Variants in PRRC2C observed in about 807,000 individuals in gnomAD.
The protein encoded by PRRC2C is protein PRRC2C.
A neutral mutation model predicts 317.2 loss-of-function variants in PRRC2C; 72 were observed. The observed-to-expected ratio is 0.23, with a 90% CI of 0.19 to 0.28. The LOEUF is 0.28. PRRC2C is among the 10% of genes least tolerant of loss of function. The probability of loss-of-function intolerance (pLI) is 1.00; values close to 1 mark genes in which losing one functional copy is unlikely to be tolerated. For missense variants in PRRC2C, 3,074 were observed against 3,459.7 expected (o/e 0.89, Z 2.80); for synonymous variants, 1,296 against 1,205.9 (o/e 1.07, Z -1.55).
chr1:171,495,372 T>C (rs1028932557), intron 1 of PRRC2C, among the ~76,000 whole-genome samples: 1 of 152,188 alleles, frequency 6.6e-6, no homozygotes, highest in Non-Finnish European at 1.5e-5. Context: ...AAAATCTTGG[T>C]CATGGAATAC....
intron 18 of PRRC2C, among the ~76,000 whole-genome samples, chr1:171,555,538 A>T (rs1209837919): frequency 6.6e-6 from 1 of 152,172 alleles, no homozygotes; most frequent in Non-Finnish European, 1.5e-5. Flanking sequence ...TTGGAGGAGA[A>T]GAGTTGCTCT....
intron 6 of PRRC2C, among the ~76,000 whole-genome samples, chr1:171,518,019 C>T (rs576621343): frequency 4.6e-5 from 7 of 152,272 alleles, no homozygotes; most frequent in African/African-American, 1.2e-4. Flanking sequence ...TTGGGCTATC[C>T]GGGAAACGTT....
At chr1:171,524,774 A>T (rs546006751) in intron 9 of PRRC2C, 47 bp from the exon 10 acceptor site, 1 of 1,496,744 alleles carries the variant, frequency 6.7e-7, no homozygotes, top group African/African-American at 1.4e-5. Flanking sequence ...GTGTGTACTT[A>T]TGATACAGTT....
At chr1:171,514,432 A>C in intron 3 of PRRC2C, 104 bp from the exon 4 acceptor site, 1 of 842,110 alleles carries the variant, frequency 1.2e-6, no homozygotes, top group South Asian at 2.1e-5. Context: ...CCAATGAATA[A>C]ACATATAGCC....
At chr1:171,496,277 A>T (rs1050095468) in intron 1 of PRRC2C, among the ~76,000 whole-genome samples, 4 of 125,688 alleles carry the variant, frequency 3.2e-5, no homozygotes, top group African/African-American at 3.2e-5. Flanking sequence ...ATCTTGGCTC[A>T]CTACAGCCTC....
intron 1 of PRRC2C, among the ~76,000 whole-genome samples, chr1:171,505,500 T>C (rs1044010716): frequency 2.6e-5 from 4 of 152,242 alleles, no homozygotes; most frequent in African/African-American, 9.6e-5. Context: ...TGTGATCATA[T>C]AATGCTAACT....
chr1:171,550,903 T>C (rs1160019671), intron 18 of PRRC2C, among the ~76,000 whole-genome samples: 1 of 152,180 alleles, frequency 6.6e-6, no homozygotes, highest in Admixed American at 6.5e-5. Context: ...GTCTTTGCTA[T>C]TGTGAATAGT....
chr1:171,577,771 ATTTTTTTTTTTT>A, intron 26 of PRRC2C, 134 bp downstream of exon 26: 1 of 299,574 alleles, frequency 3.3e-6, no homozygotes, highest in Non-Finnish European at 5.3e-6. Flanking sequence ...TTAAATTCGC[ATTTTTTTTTTTT>A]TTTTTTTTTT....
In PRRC2C at chr1:171,579,359, A is replaced by G; in HGVS notation, c.7165A>G (p.Ile2389Val). The change falls in exon 27 of 35, where the codon ATC (isoleucine) becomes GTC (valine). Residue 2389 changes from isoleucine to valine, a missense_variant. Ile to Val is a conservative substitution (Grantham distance 29). Coordinates refer to ENST00000647382, the MANE Select transcript of PRRC2C (RefSeq NM_001387844.1). ...VYVSQSAAAQIPAFYMDTSHL... is the reference protein window; with the variant it reads ...VYVSQSAAAQVPAFYMDTSHL... ...TTTATCCTGATGGTCTACAGCTCAAATCCCAGCCTTCTATATGGACACAAG... is the reference window on the plus strand; with the variant it reads ...TTTATCCTGATGGTCTACAGCTCAAGTCCCAGCCTTCTATATGGACACAAG... The G allele has an allele frequency of 6.2e-7, 1 of 1,613,534 alleles. No individual in the cohort carries two copies. Among genetic ancestry groups the G allele is most frequent in the Non-Finnish European group, 8.5e-7 (1 of 1,179,630 alleles).
chr1:171,496,812 T>C (rs1347511307), intron 1 of PRRC2C, among the ~76,000 whole-genome samples: 1 of 147,000 alleles, frequency 6.8e-6, no homozygotes, highest in Non-Finnish European at 1.5e-5. Flanking sequence ...TGTGTGTGTG[T>C]TTTGTTTTGA....
intron 28 of PRRC2C, among the ~76,000 whole-genome samples, chr1:171,580,794 G>T (rs1004620074): frequency 5.9e-5 from 9 of 152,202 alleles, no homozygotes; most frequent in African/African-American, 2.2e-4. Flanking sequence ...CCATACTCAT[G>T]ATGGTGGCCT....
intron 27 of PRRC2C, 77 bp from the exon 28 acceptor site, chr1:171,579,751 T>C (rs1354474832): frequency 4.9e-6 from 7 of 1,437,690 alleles, no homozygotes; most frequent in Non-Finnish European, 9.2e-7. Context: ...ATGTCTCAAA[T>C]TTTTATATTC....
At chr1:171,577,659 A>G (rs757772930) in intron 26 of PRRC2C, 22 bp downstream of exon 26, 2 of 1,592,330 alleles carry the variant, frequency 1.3e-6, no homozygotes, top group Non-Finnish European at 1.7e-6. Context: ...AGGCTTGAAT[A>G]TAAGGAATTT....
At chr1:171,585,734 A>G (rs1004450846) in intron 30 of PRRC2C, among the ~76,000 whole-genome samples, 3 of 152,166 alleles carry the variant, frequency 2.0e-5, no homozygotes, top group Admixed American at 6.5e-5. Flanking sequence ...TTCAGTTTCT[A>G]TTCTCTTCAC....
intron 1 of PRRC2C, among the ~76,000 whole-genome samples, chr1:171,499,758 C>T (rs1023602706): frequency 2.0e-5 from 3 of 151,966 alleles, no homozygotes; most frequent in Non-Finnish European, 4.4e-5. Flanking sequence ...GAGCCAAGAT[C>T]GTGCCACTGC....
At chr1:171,538,744 C>T (rs1444308552) in intron 15 of PRRC2C, among the ~76,000 whole-genome samples, 1 of 152,124 alleles carries the variant, frequency 6.6e-6, no homozygotes, top group East Asian at 1.9e-4. Context: ...AAGGGTCTCG[C>T]TCTGTCAGCC....
At chr1:171,513,408 T>C (rs1671738373) in intron 3 of PRRC2C, 1 of 598,408 alleles carries the variant, frequency 1.7e-6, no homozygotes, top group Non-Finnish European at 3.1e-6. Flanking sequence ...GCTTATGTCA[T>C]AGCCTTTATT....
At chr1:171,490,737 T>C (rs1006221609) in intron 1 of PRRC2C, among the ~76,000 whole-genome samples, 1 of 152,192 alleles carries the variant, frequency 6.6e-6, no homozygotes, top group African/African-American at 2.4e-5. Context: ...GGCTGTGATA[T>C]CCTTGGTGAC....
chr1:171,591,208 A>G, intron 34 of PRRC2C: 1 of 1,003,072 alleles, frequency 1.0e-6, no homozygotes, highest in Non-Finnish European at 1.2e-6. Flanking sequence ...GGTGTTGGTA[A>G]TGCCACAATA....
Sources: gnomAD v4.1 joint callset for allele counts (sites outside exome capture counted in the v4.1 genomes callset) on GRCh38, gnomAD v4.1.1 for gene constraint, MANE v1.5 for transcripts, NCBI Gene and HGNC (gene_info 2026-07-23, HGNC 2026-07-21) for gene names.